DYM: variants seen among roughly 807,000 people sequenced by gnomAD.
DYM encodes the protein dyggve-Melchior-Clausen syndrome protein.
DYM carries 78 observed loss-of-function variants against 93.1 expected under a neutral mutation model. The observed-to-expected ratio is 0.84, with a 90% confidence interval of 0.70 to 1.01. The LOEUF (loss-of-function observed/expected upper bound fraction) is 1.01. DYM is among the 50% of genes least tolerant of loss of function. DYM has a pLI of 0.00. For synonymous variants in DYM, 321 were observed against 319.7 expected (o/e 1.00, Z -0.04); for missense variants, 789 against 845.0 (o/e 0.93, Z 0.82).
At chr18:49,459,736 A>C (rs2083315068) in intron 1 of DYM, among the ~76,000 whole-genome samples, 1 of 152,028 alleles carries the variant, frequency 6.6e-6, no homozygotes. Flanking sequence ...AGCTTTATCC[A>C]ATCAGCTTTA....
intron 13 of DYM, among the ~76,000 whole-genome samples, chr18:49,255,506 C>A (rs555204862): frequency 2.6e-5 from 4 of 151,994 alleles, no homozygotes; most frequent in African/African-American, 9.7e-5. Flanking sequence ...AACCCTGTCT[C>A]TACTAAAAAT....
chr18:49,398,493 T>G (rs937911728), intron 2 of DYM, among the ~76,000 whole-genome samples: 1 of 152,164 alleles, frequency 6.6e-6, no homozygotes, highest in Non-Finnish European at 1.5e-5. Context: ...CTTGGCTGCA[T>G]AGTTTAGGGC....
At chr18:49,409,968 G>A (rs2072025018) in intron 2 of DYM, among the ~76,000 whole-genome samples, 1 of 152,194 alleles carries the variant, frequency 6.6e-6, no homozygotes, top group Non-Finnish European at 1.5e-5. Flanking sequence ...TGCCTCTTTA[G>A]TGGTTTCTAT....
At chr18:49,155,866 C>A (rs1196560817) in intron 15 of DYM, among the ~76,000 whole-genome samples, 10 of 152,154 alleles carry the variant, frequency 6.6e-5, no homozygotes, top group Non-Finnish European at 1.5e-4. Context: ...AATAATGGTT[C>A]TATGAACATG....
chr18:49,443,863 A>G (rs951373634), intron 1 of DYM, among the ~76,000 whole-genome samples: 1 of 152,228 alleles, frequency 6.6e-6, no homozygotes, highest in Non-Finnish European at 1.5e-5. Flanking sequence ...TACAGCAGCC[A>G]AAGAATTGTG....
intron 2 of DYM, among the ~76,000 whole-genome samples, chr18:49,415,835 G>A (rs1012619650): frequency 7.3e-5 from 11 of 151,476 alleles, no homozygotes; most frequent in Admixed American, 6.6e-4. Context: ...GGTGAGGCAG[G>A]AGAATCACTT....
chr18:49,195,004 T>C (rs1395269047), intron 14 of DYM, among the ~76,000 whole-genome samples: 2 of 152,126 alleles, frequency 1.3e-5, no homozygotes, highest in Non-Finnish European at 2.9e-5. Flanking sequence ...TATTTTCAAA[T>C]TTTTCCAATT....
intron 14 of DYM, among the ~76,000 whole-genome samples, chr18:49,166,153 T>C (rs2145135725): frequency 6.6e-6 from 1 of 152,330 alleles, no homozygotes; most frequent in Non-Finnish European, 1.5e-5. Flanking sequence ...CACTGATAAC[T>C]AATATTAAGT....
intron 1 of DYM, among the ~76,000 whole-genome samples, chr18:49,455,259 G>A (rs1350033328): frequency 2.0e-5 from 3 of 152,058 alleles, no homozygotes; most frequent in East Asian, 3.9e-4. Flanking sequence ...TGTCAGTCCC[G>A]TTTATCTAAC....
intron 1 of DYM, among the ~76,000 whole-genome samples, chr18:49,430,964 TG>T (rs2080272242): frequency 6.6e-6 from 1 of 152,136 alleles, no homozygotes; most frequent in African/African-American, 2.4e-5. Flanking sequence ...ATATTGTACT[TG>T]TACCATGTAT....
chr18:49,249,470 A>G (rs779386005), intron 13 of DYM, among the ~76,000 whole-genome samples: 21 of 152,210 alleles, frequency 1.4e-4, no homozygotes, highest in Non-Finnish European at 2.6e-4. Flanking sequence ...AAAACCCATG[A>G]AAACTTAATT....
intron 2 of DYM, among the ~76,000 whole-genome samples, chr18:49,408,541 A>G (rs1411311249): frequency 6.6e-6 from 1 of 152,224 alleles, no homozygotes; most frequent in Non-Finnish European, 1.5e-5. Context: ...TGTGGCTTAT[A>G]ATCTTCCACA....
intron 13 of DYM, among the ~76,000 whole-genome samples, chr18:49,243,666 CAAAAA>C (rs59748721): frequency 3.5e-5 from 4 of 114,228 alleles, no homozygotes; most frequent in Non-Finnish European, 5.1e-5. Flanking sequence ...GGCTCTGTCT[CAAAAA>C]AAAAAAAAAA....
At chr18:49,356,476 T>A (rs565018805) in intron 6 of DYM, among the ~76,000 whole-genome samples, 1 of 152,298 alleles carries the variant, frequency 6.6e-6, no homozygotes, top group African/African-American at 2.4e-5. Context: ...TTGCAACACC[T>A]AAAACTTAAA....
chr18:49,379,484 TATA>T (rs1330027972), intron 4 of DYM, among the ~76,000 whole-genome samples, 178 bp downstream of exon 4: 2 of 152,210 alleles, frequency 1.3e-5, no homozygotes, highest in Non-Finnish European at 2.9e-5. Flanking sequence ...TTCCCGAATC[TATA>T]ATCTCACCCC....
At chr18:49,373,779 T>C (rs1277590318) in intron 5 of DYM, among the ~76,000 whole-genome samples, 3 of 152,182 alleles carry the variant, frequency 2.0e-5, no homozygotes, top group African/African-American at 7.2e-5. Context: ...AACAAAGTGC[T>C]GGGTTTGCAG....
rs373940143 is a variant in DYM at position 49,430,430 on chromosome 18, G to T, written c.-36C>A. 3 of 1,610,600 alleles carry T rather than the reference G, an allele frequency of 1.9e-6. No individual in the cohort carries two copies. The highest frequency in any genetic ancestry group is 4.5e-5 in the East Asian group (2 of 44,840). The stretch of plus-strand genomic sequence containing the variant: ...AAGCAGATAATTTGTCCTTAAACCT[G>T]CATTTCCAAAAGACAACCTATAAAA... On this transcript the variant is annotated 5_prime_UTR_variant, in exon 2 of 18. Coordinates refer to ENST00000675505, the MANE Select transcript of DYM (RefSeq NM_001353214.3).
At chr18:49,416,851 T>C (rs2073046155) in intron 2 of DYM, among the ~76,000 whole-genome samples, 1 of 152,146 alleles carries the variant, frequency 6.6e-6, no homozygotes, top group South Asian at 2.1e-4. Flanking sequence ...TTCTAACAAG[T>C]GTGCCAAAAA....
intron 1 of DYM, among the ~76,000 whole-genome samples, chr18:49,444,743 T>C (rs2081956948): frequency 6.6e-6 from 1 of 152,202 alleles, no homozygotes; most frequent in African/African-American, 2.4e-5. Flanking sequence ...GTCTGCAGTG[T>C]AATGATTTGC....
Sources: gnomAD v4.1 joint callset for allele counts (sites outside exome capture counted in the v4.1 genomes callset) on GRCh38, gnomAD v4.1.1 for gene constraint, MANE v1.5 for transcripts, NCBI Gene and HGNC (gene_info 2026-07-23, HGNC 2026-07-21) for gene names.